Variants in JAK1 observed in about 807,000 individuals in gnomAD.
The protein encoded by JAK1 is Janus kinase 1, also known as tyrosine-protein kinase JAK1.
JAK1 carries 16 observed loss-of-function variants against 136.6 expected under a neutral mutation model. The observed-to-expected ratio is 0.12, with a 90% CI of 0.08 to 0.18. JAK1 has a LOEUF of 0.18. Ranked by LOEUF, JAK1 falls within the 10% of genes least tolerant of loss-of-function variation. JAK1 has a pLI of 1.00. For synonymous variants in JAK1, 492 were observed against 519.5 expected (o/e 0.95, Z 0.72); for missense variants, 859 against 1,450.1 (o/e 0.59, Z 6.62).
At chr1:64,846,794 A>C in intron 13 of JAK1, 58 bp from the exon 14 acceptor site, 1 of 1,376,292 alleles carries the variant, frequency 7.3e-7, no homozygotes, top group Non-Finnish European at 1.0e-6. Context: ...GCTGCTCCCC[A>C]GGGGCTCTGT....
chr1:64,869,163 G>T, intron 6 of JAK1, 148 bp downstream of exon 6: 1 of 675,136 alleles, frequency 1.5e-6, no homozygotes. Flanking sequence ...TAGGCTACGT[G>T]TATGTAGTAA....
intron 22 of JAK1, among the ~76,000 whole-genome samples, chr1:64,836,798 A>C (rs932208851): frequency 8.8e-5 from 13 of 147,306 alleles, no homozygotes; most frequent in African/African-American, 2.9e-4. Context: ...GCCAAATCAG[A>C]CTCCCTGGCT....
chr1:64,842,961 T>C (rs1302084658), intron 17 of JAK1, among the ~76,000 whole-genome samples: 2 of 152,112 alleles, frequency 1.3e-5, no homozygotes, highest in East Asian at 1.9e-4. Flanking sequence ...GGGGCTCCCA[T>C]TGCTGAGAGA....
intron 1 of JAK1, among the ~76,000 whole-genome samples, chr1:65,047,691 C>G (rs1170874855): frequency 6.6e-6 from 1 of 151,890 alleles, no homozygotes; most frequent in East Asian, 1.9e-4. Context: ...TGCACTCCAG[C>G]CCGGGCAACA....
intron 8 of JAK1, among the ~76,000 whole-genome samples, chr1:64,863,600 T>C (rs538244238): frequency 1.3e-5 from 2 of 152,260 alleles, no homozygotes; most frequent in Non-Finnish European, 2.9e-5. Context: ...CATAAATAAG[T>C]AGCTGTTAAT....
chr1:64,968,415 C>T (rs1403924312), upstream of JAK1, among the ~76,000 whole-genome samples: 1 of 152,122 alleles, frequency 6.6e-6, no homozygotes, highest in African/African-American at 2.4e-5. Context: ...GTCACCCAGC[C>T]GAGTCTGAGG....
chr1:64,859,424 G>A (rs1656153558), intron 9 of JAK1, among the ~76,000 whole-genome samples: 1 of 152,226 alleles, frequency 6.6e-6, no homozygotes, highest in African/African-American at 2.4e-5. Flanking sequence ...TCCATGGGCT[G>A]CCTCACACAT....
Position 64,995,609 on chromosome 1 carries a change from C to G in JAK1, c.-78+48871G>C, listed in dbSNP as rs983573722. ...CATGACTGTATCAGACAAACTATTT[C>G]CCCTAATACTTGAGCTTTTTGTTAT... On this transcript the variant is annotated intron_variant, in intron 2 of 25. Coordinates refer to the JAK1 transcript ENST00000671954. 3.3e-5 allele frequency among the ~76,000 whole-genome samples: 5 copies of G among 152,128 alleles called. No homozygotes were observed. In the East Asian group the frequency reaches 9.6e-4, roughly 29 times the overall value.
chr1:64,956,979 A>G (rs768031982), intron 1 of JAK1, among the ~76,000 whole-genome samples: 2 of 152,204 alleles, frequency 1.3e-5, no homozygotes, highest in Non-Finnish European at 2.9e-5. Context: ...GACATCTGCC[A>G]GGAAGGAGGT....
intron 3 of JAK1, among the ~76,000 whole-genome samples, chr1:64,881,554 G>A (rs575352281): frequency 4.6e-5 from 7 of 152,290 alleles, no homozygotes; most frequent in African/African-American, 1.7e-4. Context: ...TAGTAACAGT[G>A]AGAGCTACAA....
At chr1:64,907,608 GATGAAATAAT>G in intron 1 of JAK1, among the ~76,000 whole-genome samples, 1 of 152,080 alleles carries the variant, frequency 6.6e-6, no homozygotes, top group Non-Finnish European at 1.5e-5. Flanking sequence ...ATACCTGGGT[GATGAAATAAT>G]ATGTACAACA....
intron 1 of JAK1, among the ~76,000 whole-genome samples, chr1:64,950,090 A>G (rs551665913): frequency 2.7e-4 from 41 of 152,322 alleles, no homozygotes; most frequent in African/African-American, 7.9e-4. Flanking sequence ...AAGTAAAAAC[A>G]TAACAGCTTC....
At chr1:64,951,653 T>C (rs1287723323) in intron 1 of JAK1, among the ~76,000 whole-genome samples, 2 of 83,378 alleles carry the variant, frequency 2.4e-5, no homozygotes, top group Non-Finnish European at 4.4e-5. Context: ...TTCTGCCTTT[T>C]TTTTTTTTTT....
intron 1 of JAK1, among the ~76,000 whole-genome samples, chr1:65,049,346 C>T (rs1647224549): frequency 6.6e-6 from 1 of 152,120 alleles, no homozygotes; most frequent in Non-Finnish European, 1.5e-5. Flanking sequence ...CCTTTGAGCC[C>T]AGAAGTTTGA....
chr1:65,019,610 G>A (rs964652938), intron 2 of JAK1, among the ~76,000 whole-genome samples: 2 of 152,060 alleles, frequency 1.3e-5, no homozygotes, highest in African/African-American at 2.4e-5. Flanking sequence ...GCAAAATAGC[G>A]AAGTTGCTAT....
chr1:65,057,957 C>T, intron 1 of JAK1: 1 of 153,070 alleles, frequency 6.5e-6, no homozygotes. Context: ...TCTTTCTTCA[C>T]TTCAGTAAGC....
At chr1:64,845,420 C>A in intron 15 of JAK1, 93 bp downstream of exon 15, 1 of 1,448,916 alleles carries the variant, frequency 6.9e-7, no homozygotes, top group South Asian at 1.2e-5. Flanking sequence ...GGACAGGCCC[C>A]TCTAGCTGCT....
At position 64,984,405 on chromosome 1, in the gene JAK1, C is replaced by T. The variant is rs568634857; in HGVS notation, c.-78+60075G>A. Among the ~76,000 whole-genome samples, 6 of 152,246 alleles carry T rather than the reference C, an allele frequency of 3.9e-5. No individual in the cohort carries two copies. Among genetic ancestry groups the T allele is most frequent in the African/African-American group, 1.4e-4 (6 of 41,540 alleles). On this transcript the variant is annotated intron_variant, in intron 2 of 25. Coordinates refer to the JAK1 transcript ENST00000671954. This position sits in a 1 kb window ranked among gnomAD's most constrained non-coding sequence, Gnocchi z 4.1. The stretch of plus-strand genomic sequence containing the variant: ...GAAATGAAGGGTAGGTTCACTTGGT[C>T]TCTCCTACGCAGAAGAGAATGTCCA...
At chr1:65,045,912 C>A (rs1647179331) in intron 1 of JAK1, among the ~76,000 whole-genome samples, 3 of 152,206 alleles carry the variant, frequency 2.0e-5, no homozygotes, top group Admixed American at 2.0e-4. Flanking sequence ...CCACCAATTA[C>A]AAGCTATGTG....
Sources: gnomAD v4.1 joint callset for allele counts (sites outside exome capture counted in the v4.1 genomes callset) on GRCh38, gnomAD v4.1.1 for gene constraint, Gnocchi (gnomAD v3.1) non-coding constraint, MANE v1.5 for transcripts, NCBI Gene and HGNC (gene_info 2026-07-23, HGNC 2026-07-21) for gene names.